NLGN1: variants seen among roughly 807,000 people sequenced by gnomAD.
NLGN1 encodes neuroligin-1.
Under a neutral mutation model 65.5 loss-of-function variants are expected in NLGN1, and 12 were observed. The observed-to-expected ratio is 0.18, with a 90% CI of 0.12 to 0.30. The LOEUF is 0.30. Ranked by LOEUF, NLGN1 falls within the 10% of genes least tolerant of loss-of-function variation. NLGN1 has a pLI of 1.00. For missense variants in NLGN1, 750 were observed against 1,007.1 expected, an observed-to-expected ratio of 0.74 and a Z score of 3.46; for synonymous variants, 350 against 359.5, an observed-to-expected ratio of 0.97 and a Z score of 0.30.
chr3:174,055,905 A>AT lies in NLGN1; in HGVS notation c.647-219398dup, dbSNP rs933319074. Among the ~76,000 whole-genome samples the AT allele has an allele frequency of 6.4e-3, 936 of 146,066 alleles. 11 individuals carry two copies. Among genetic ancestry groups the AT allele is most frequent in the Non-Finnish European group, 9.9e-3 (654 of 65,790 alleles). ...GCCTATCCAATAAAAGTGGACATTG[A>AT]TTTTTTTTTTTTGCTACTTTTACAA... On this transcript the variant is annotated intron_variant, in intron 4 of 6. Coordinates refer to ENST00000457714, the Ensembl canonical transcript of NLGN1.
At chr3:174,176,127 T>G (rs1287955502) in intron 4 of NLGN1, among the ~76,000 whole-genome samples, 1 of 151,926 alleles carries the variant, frequency 6.6e-6, no homozygotes, top group Non-Finnish European at 1.5e-5. Flanking sequence ...GTTGAATACT[T>G]TATTTTACTA....
chr3:173,726,951 A>AG (rs1553820487), intron 3 of NLGN1, among the ~76,000 whole-genome samples: 3 of 151,596 alleles, frequency 2.0e-5, no homozygotes, highest in African/African-American at 7.3e-5. Context: ...AAAAAAAAAA[A>AG]AAGAAGAAGA....
At chr3:174,001,276 G>A (rs993697146) in intron 4 of NLGN1, among the ~76,000 whole-genome samples, 2 of 151,870 alleles carry the variant, frequency 1.3e-5, no homozygotes, top group Non-Finnish European at 2.9e-5. Context: ...CACTGAGAGG[G>A]TCAGCGAGAG....
intron 2 of NLGN1, among the ~76,000 whole-genome samples, chr3:173,441,594 AC>A (rs976291382): frequency 2.3e-4 from 35 of 152,266 alleles, no homozygotes; most frequent in African/African-American, 7.9e-4. Flanking sequence ...CAGTCAGAAC[AC>A]ACATATTTGT....
chr3:173,655,100 C>T lies in NLGN1; in HGVS notation c.493+50009C>T, dbSNP rs114016560. 7.8e-3 allele frequency among the ~76,000 whole-genome samples: 1,190 copies of T among 152,168 alleles called. 19 individuals are homozygous for T. The highest frequency in any genetic ancestry group is 0.027 in the African/African-American group (1,128 of 41,514). ...AAGGAAAGTAATAGCATATAGTTTG[C>T]ACCTTGCAGAAGTTTGTTAAATAAA... On this transcript the variant is annotated intron_variant, in intron 3 of 6. Coordinates refer to ENST00000457714, the Ensembl canonical transcript of NLGN1.
intron 4 of NLGN1, among the ~76,000 whole-genome samples, chr3:174,239,030 A>G (rs1338139816): frequency 6.6e-6 from 1 of 152,014 alleles, no homozygotes; most frequent in East Asian, 1.9e-4. Context: ...AAAATGCAGA[A>G]TAATATATTG....
intron 4 of NLGN1, among the ~76,000 whole-genome samples, chr3:174,206,468 C>T (rs572809635): frequency 1.3e-5 from 2 of 152,094 alleles, no homozygotes; most frequent in South Asian, 4.1e-4. Flanking sequence ...ATAGCCCACC[C>T]CCTCTTATTT....
intron 3 of NLGN1, among the ~76,000 whole-genome samples, chr3:173,750,113 G>A (rs968104082): frequency 3.3e-5 from 5 of 151,956 alleles, no homozygotes; most frequent in Non-Finnish European, 5.9e-5. Context: ...TCCTTCCCTG[G>A]TGGATGCTGT....
At chr3:173,961,707 A>G (rs1466566504) in intron 4 of NLGN1, among the ~76,000 whole-genome samples, 5 of 152,090 alleles carry the variant, frequency 3.3e-5, no homozygotes, top group Non-Finnish European at 5.9e-5. Flanking sequence ...TATGCAAATG[A>G]GGAAGGTTAG....
intron 4 of NLGN1, among the ~76,000 whole-genome samples, chr3:174,014,150 C>A (rs1410504415): frequency 6.6e-6 from 1 of 152,000 alleles, no homozygotes; most frequent in African/African-American, 2.4e-5. Context: ...CAGAGGTTCT[C>A]AAAATTGAAA....
chr3:174,182,441 G>A (rs941280536), intron 4 of NLGN1, among the ~76,000 whole-genome samples: 1 of 152,178 alleles, frequency 6.6e-6, no homozygotes, highest in Non-Finnish European at 1.5e-5. Context: ...TTACCCCCAG[G>A]ACACTATAAT....
chr3:173,669,766 C>G (rs1040044335), intron 3 of NLGN1, among the ~76,000 whole-genome samples: 2 of 152,048 alleles, frequency 1.3e-5, no homozygotes, highest in Non-Finnish European at 2.9e-5. Flanking sequence ...TGTTATAATA[C>G]AAGTTTTTTA....
At chr3:173,796,126 T>C (rs900524593) in intron 3 of NLGN1, among the ~76,000 whole-genome samples, 4 of 152,114 alleles carry the variant, frequency 2.6e-5, no homozygotes. Context: ...TGACACAAAG[T>C]ATGGATAATT....
Position 173,679,260 on chromosome 3 carries a change from G to GA in NLGN1, c.493+74178dup, listed in dbSNP as rs112068343. 4.0e-3 allele frequency among the ~76,000 whole-genome samples: 597 copies of GA among 150,086 alleles called. 3 individuals carry two copies. Among genetic ancestry groups the GA allele is most frequent in the Middle Eastern group, 0.014 (4 of 290 alleles). On this transcript the variant is annotated intron_variant, in intron 3 of 6. Coordinates refer to ENST00000457714, the Ensembl canonical transcript of NLGN1. ...TGATTCACTAGGGCTAGTAAAAAAT[G>GA]AAAAAAAAAGATGAAGAACTGATAG... is the stretch of plus-strand genomic sequence containing the variant.
At chr3:173,466,120 G>A (rs1194096855) in intron 2 of NLGN1, among the ~76,000 whole-genome samples, 1 of 152,148 alleles carries the variant, frequency 6.6e-6, no homozygotes, top group Non-Finnish European at 1.5e-5. Flanking sequence ...TCATTTTCAG[G>A]TTGTCTAGTA....
At chr3:173,888,738 T>C (rs1249880683) in intron 4 of NLGN1, among the ~76,000 whole-genome samples, 2 of 151,974 alleles carry the variant, frequency 1.3e-5, no homozygotes, top group Non-Finnish European at 2.9e-5. Flanking sequence ...ATTTTTTTCC[T>C]AACATTATGT....
At chr3:173,668,170 G>T (rs1245080126) in intron 3 of NLGN1, among the ~76,000 whole-genome samples, 3 of 152,150 alleles carry the variant, frequency 2.0e-5, no homozygotes, top group African/African-American at 7.2e-5. Flanking sequence ...TATGAGTTCA[G>T]AAAATAGGCA....
At chr3:174,135,027 A>G (rs1430637292) in intron 4 of NLGN1, among the ~76,000 whole-genome samples, 2 of 152,178 alleles carry the variant, frequency 1.3e-5, no homozygotes, top group African/African-American at 2.4e-5. Context: ...GTGTTCTGCC[A>G]AAGTTCTGAG....
intron 4 of NLGN1, among the ~76,000 whole-genome samples, chr3:174,076,383 GC>G (rs1740907128): frequency 6.6e-6 from 1 of 151,844 alleles, no homozygotes; most frequent in African/African-American, 2.4e-5. Context: ...GGGAAATAAG[GC>G]CTTACCCTTC....
Sources: allele counts gnomAD v4.1 joint callset (sites outside exome capture counted in the v4.1 genomes callset), GRCh38; gene constraint gnomAD v4.1.1; transcripts MANE v1.5; gene names NCBI Gene and HGNC (gene_info 2026-07-23, HGNC 2026-07-21).